AFF3: variants seen among roughly 807,000 people sequenced by gnomAD.
AFF3 encodes AF4/FMR2 family member 3.
A neutral mutation model predicts 129.7 loss-of-function variants in AFF3; 32 were observed. The observed-to-expected ratio is 0.25, with a 90% CI of 0.19 to 0.33. AFF3 has a LOEUF of 0.33. AFF3 is among the 10% of genes least tolerant of loss of function. AFF3 has a pLI of 1.00. For synonymous variants in AFF3, 644 were observed against 635.4 expected, an observed-to-expected ratio of 1.01 and a Z score of -0.20; for missense variants, 1,373 against 1,592.0, an observed-to-expected ratio of 0.86 and a Z score of 2.34.
At chr2:99,728,502 C>T (rs1679544643) in intron 10 of AFF3, among the ~76,000 whole-genome samples, 3 of 152,186 alleles carry the variant, frequency 2.0e-5, no homozygotes, top group South Asian at 4.1e-4. Context: ...ACATAATGAA[C>T]ATATCCCAAA....
At position 99,722,561 on chromosome 2, in the gene AFF3, A is replaced by C. The variant is rs375439838; in HGVS notation, c.1091+4516T>G. On this transcript the variant is annotated intron_variant, in intron 11 of 24. Coordinates refer to ENST00000672756, the MANE Select transcript of AFF3 (RefSeq NM_001386135.1). ...CAATAGAAAATCTGAGGCATTTACC[A>C]AGCCCCTCTAACTTGGGTGGGATTC... Among the ~76,000 whole-genome samples, 12 of 152,326 alleles carry C rather than the reference A, an allele frequency of 7.9e-5. No individual in the cohort carries two copies. In the East Asian group the frequency reaches 2.3e-3, roughly 29 times the overall value.
intron 21 of AFF3, among the ~76,000 whole-genome samples, chr2:99,559,356 G>C (rs1334872319): frequency 6.6e-6 from 1 of 152,222 alleles, no homozygotes; most frequent in African/African-American, 2.4e-5. Flanking sequence ...AAAGGACGAC[G>C]CTGCCACCTG....
chr2:100,017,594 A>T (rs972843935), intron 4 of AFF3, among the ~76,000 whole-genome samples: 4 of 152,186 alleles, frequency 2.6e-5, no homozygotes, highest in African/African-American at 9.7e-5. Flanking sequence ...TTTAAACCAC[A>T]GTCACCCCAA....
At chr2:100,116,270 T>C (rs1691731395) in intron 2 of AFF3, among the ~76,000 whole-genome samples, 1 of 152,144 alleles carries the variant, frequency 6.6e-6, no homozygotes, top group Non-Finnish European at 1.5e-5. Context: ...CATATAGCTC[T>C]ATGTTTGCTT....
chr2:99,751,418 TA>T (rs1681645769), intron 9 of AFF3, among the ~76,000 whole-genome samples: 1 of 152,240 alleles, frequency 6.6e-6, no homozygotes, highest in South Asian at 2.1e-4. Context: ...TGATATTTAG[TA>T]ACGATACATA....
intron 4 of AFF3, among the ~76,000 whole-genome samples, chr2:100,055,558 G>A (rs1288923129): frequency 1.3e-5 from 2 of 152,118 alleles, no homozygotes; most frequent in African/African-American, 2.4e-5. Context: ...GAGGAAAGAT[G>A]CTTGGGCATT....
chr2:99,865,961 C>A (rs750895995), intron 7 of AFF3, among the ~76,000 whole-genome samples: 2 of 152,220 alleles, frequency 1.3e-5, no homozygotes, highest in Admixed American at 6.5e-5. Flanking sequence ...TAAGCTCCTA[C>A]GATGTGTCAG....
At chr2:99,752,373 CT>C in intron 8 of AFF3, 72 bp from the exon 9 acceptor site, 1 of 1,332,788 alleles carries the variant, frequency 7.5e-7, no homozygotes, top group Non-Finnish European at 1.1e-6. Context: ...TGTAAAGCAG[CT>C]GTACAAGTGG....
intron 7 of AFF3, among the ~76,000 whole-genome samples, chr2:99,895,163 T>C (rs1209733772): frequency 6.6e-6 from 1 of 152,202 alleles, no homozygotes; most frequent in African/African-American, 2.4e-5. Context: ...TGCATGAGCA[T>C]GGCTATTTCT....
chr2:100,109,683 C>T (rs1435758095), intron 2 of AFF3, among the ~76,000 whole-genome samples: 4 of 152,200 alleles, frequency 2.6e-5, no homozygotes, highest in Admixed American at 6.5e-5. Flanking sequence ...CATTAGCAAA[C>T]ATGTCTATAT....
chr2:99,918,626 C>T (rs1695643969), intron 7 of AFF3, among the ~76,000 whole-genome samples: 1 of 152,150 alleles, frequency 6.6e-6, no homozygotes. Context: ...GTGAGACAGA[C>T]CTAACGCAAA....
intron 7 of AFF3, among the ~76,000 whole-genome samples, chr2:99,869,612 C>G (rs1344161535): frequency 6.6e-6 from 1 of 152,164 alleles, no homozygotes; most frequent in Non-Finnish European, 1.5e-5. Flanking sequence ...TATCTCCAGC[C>G]CAGTACAGCC....
chr2:100,024,997 T>A (rs961788), intron 4 of AFF3, among the ~76,000 whole-genome samples: 1 of 151,860 alleles, frequency 6.6e-6, no homozygotes, highest in Non-Finnish European at 1.5e-5. Flanking sequence ...CAAAGCATTA[T>A]GTTTTAAAAA....
intron 7 of AFF3, among the ~76,000 whole-genome samples, chr2:99,991,739 C>T (rs1680357653): frequency 6.6e-6 from 1 of 152,014 alleles, no homozygotes; most frequent in South Asian, 2.1e-4. Context: ...CCCGTGTCTA[C>T]TAAAAATACA....
At chr2:99,720,575 A>G (rs1002415412) in intron 11 of AFF3, among the ~76,000 whole-genome samples, 2 of 152,106 alleles carry the variant, frequency 1.3e-5, no homozygotes, top group African/African-American at 2.4e-5. Flanking sequence ...ACCACCCAGG[A>G]TCAGGTATTC....
At chr2:99,813,145 A>G (rs1342513868) in intron 8 of AFF3, among the ~76,000 whole-genome samples, 3 of 150,144 alleles carry the variant, frequency 2.0e-5, no homozygotes, top group Non-Finnish European at 4.4e-5. Flanking sequence ...TTTTCCAAGG[A>G]CATCAGTAGG....
chr2:100,019,201 A>T (rs10198062), intron 4 of AFF3, among the ~76,000 whole-genome samples: 24,241 of 152,032 alleles, frequency 0.16, 2,270 homozygotes, highest in African/African-American at 0.23. Context: ...CCGTAAAAAA[A>T]GGCTCATGCT....
intron 4 of AFF3, among the ~76,000 whole-genome samples, chr2:100,053,484 G>A (rs1686519696): frequency 6.6e-6 from 1 of 152,200 alleles, no homozygotes; most frequent in African/African-American, 2.4e-5. Context: ...TTATGGAATG[G>A]GGATAATAAT....
chr2:99,877,200 A>C (rs1692365402), intron 7 of AFF3, among the ~76,000 whole-genome samples: 1 of 152,216 alleles, frequency 6.6e-6, no homozygotes, highest in African/African-American at 2.4e-5. Flanking sequence ...GCCAGCATGG[A>C]AATGCTGAAG....
Sources: gnomAD v4.1 joint callset for allele counts (sites outside exome capture counted in the v4.1 genomes callset) on GRCh38, gnomAD v4.1.1 for gene constraint, MANE v1.5 for transcripts, NCBI Gene and HGNC (gene_info 2026-07-23, HGNC 2026-07-21) for gene names.